Variants in CNTNAP2 observed in about 807,000 individuals in gnomAD.
The protein encoded by CNTNAP2 is contactin associated protein 2, also known as contactin-associated protein-like 2.
In CNTNAP2, 98 loss-of-function variants were observed where a neutral mutation model predicts 155.2. That is an observed-to-expected ratio of 0.63 (90% confidence interval 0.54 to 0.75). CNTNAP2 has a LOEUF of 0.75. Among genes scored for constraint, CNTNAP2 ranks in the 30% least tolerant of loss-of-function variants. The pLI is 0.00. For missense variants in CNTNAP2, 1,727 were observed against 1,688.1 expected (o/e 1.02, Z -0.40); for synonymous variants, 651 against 631.2 (o/e 1.03, Z -0.47).
chr7:146,375,109 T>C (rs1203464126), intron 1 of CNTNAP2, among the ~76,000 whole-genome samples: 2 of 152,214 alleles, frequency 1.3e-5, no homozygotes, highest in East Asian at 3.8e-4. Context: ...AAAACAAAAC[T>C]TCTTAAAGCA....
chr7:146,682,865 T>C (rs1800529359), intron 1 of CNTNAP2, among the ~76,000 whole-genome samples: 2 of 152,204 alleles, frequency 1.3e-5, no homozygotes, highest in African/African-American at 4.8e-5. Context: ...GAGCTAGATG[T>C]GTTCCATGCA....
intron 14 of CNTNAP2, among the ~76,000 whole-genome samples, chr7:147,912,797 C>T (rs1800089188): frequency 6.6e-6 from 1 of 152,274 alleles, no homozygotes; most frequent in East Asian, 1.9e-4. Flanking sequence ...TCAGTTCCTA[C>T]AGGAGGAACA....
chr7:147,212,643 A>G (rs1358042916), intron 8 of CNTNAP2, among the ~76,000 whole-genome samples: 1 of 152,164 alleles, frequency 6.6e-6, no homozygotes, highest in Non-Finnish European at 1.5e-5. Context: ...TATTATGCCC[A>G]CAACCCAGGT....
chr7:147,738,773 G>A (rs1796902982), intron 13 of CNTNAP2, among the ~76,000 whole-genome samples: 1 of 150,836 alleles, frequency 6.6e-6, no homozygotes, highest in African/African-American at 2.4e-5. Flanking sequence ...TCCTGCCTTA[G>A]CCTCCTGAGT....
intron 9 of CNTNAP2, among the ~76,000 whole-genome samples, chr7:147,328,507 G>A (rs1044856227): frequency 1.3e-5 from 2 of 152,160 alleles, no homozygotes; most frequent in Non-Finnish European, 2.9e-5. Context: ...CGACTGAATC[G>A]ACTATTTAGA....
At chr7:146,667,299 C>T (rs1040814948) in intron 1 of CNTNAP2, among the ~76,000 whole-genome samples, 5 of 151,980 alleles carry the variant, frequency 3.3e-5, no homozygotes, top group Non-Finnish European at 7.4e-5. Context: ...TGTAGATACA[C>T]AGATTAGTTT....
intron 15 of CNTNAP2, chr7:148,014,321 TG>T (rs1224312456): frequency 6.7e-6 from 1 of 149,618 alleles, no homozygotes; most frequent in Non-Finnish European, 1.5e-5. Flanking sequence ...GGTCTTGCAA[TG>T]GGCTTTTTAC....
intron 13 of CNTNAP2, among the ~76,000 whole-genome samples, chr7:147,898,835 C>T (rs1477616794): frequency 6.6e-6 from 1 of 152,122 alleles, no homozygotes; most frequent in Non-Finnish European, 1.5e-5. Context: ...TTTTAATTGA[C>T]TGGCTATTTT....
At chr7:147,274,673 T>C (rs781719528) in intron 8 of CNTNAP2, among the ~76,000 whole-genome samples, 16 of 152,138 alleles carry the variant, frequency 1.1e-4, no homozygotes, top group Non-Finnish European at 1.5e-4. Flanking sequence ...AACTTTTTAG[T>C]TTAATTGCAT....
intron 13 of CNTNAP2, among the ~76,000 whole-genome samples, chr7:147,717,582 T>C (rs140724716): frequency 0.011 from 1,620 of 152,250 alleles, 30 homozygotes; most frequent in African/African-American, 0.037. Flanking sequence ...CGGTGAGTTA[T>C]AGAACTTACA....
intron 13 of CNTNAP2, among the ~76,000 whole-genome samples, chr7:147,702,176 G>A (rs1796245609): frequency 6.6e-6 from 1 of 150,946 alleles, no homozygotes; most frequent in Non-Finnish European, 1.5e-5. Flanking sequence ...GTCTTGGAGA[G>A]ATGACATCTC....
At chr7:147,850,813 A>G (rs1798923068) in intron 13 of CNTNAP2, among the ~76,000 whole-genome samples, 2 of 152,228 alleles carry the variant, frequency 1.3e-5, no homozygotes, top group African/African-American at 4.8e-5. Flanking sequence ...TAAAACCATA[A>G]AAACTCTAGA....
intron 1 of CNTNAP2, among the ~76,000 whole-genome samples, chr7:146,449,265 T>C (rs1796444333): frequency 6.6e-6 from 1 of 152,170 alleles, no homozygotes; most frequent in Non-Finnish European, 1.5e-5. Context: ...ATTTTTATGA[T>C]GGCTGCTTTA....
chr7:148,142,091 C>CTGTGTGTGTGTG lies in CNTNAP2; in HGVS notation c.2555-5399_2555-5398insGTGTGTGTGTGT, dbSNP rs1193809306. ...GTGGTTGTTAAGAGTAGAGATATGT[C>CTGTGTGTGTGTG]TCTGTGTGTGTGTGTGTGTGTGTGT... On this transcript the variant is annotated intron_variant, in intron 16 of 23. Transcript: ENST00000361727. Among the ~76,000 whole-genome samples the CTGTGTGTGTGTG allele has an allele frequency of 4.0e-5, 4 of 100,022 alleles. No homozygotes were observed. The South Asian group carries it at 1.4e-3, about 34-fold the overall frequency. The allele number at this position is 100,022 out of a possible 152,430, so 65.6% of individuals were successfully genotyped here. A position where few individuals can be genotyped will look rare whatever the true frequency, so the allele number is the denominator to read the frequency against.
chr7:147,332,359 T>C (rs1275335388), intron 9 of CNTNAP2, among the ~76,000 whole-genome samples: 3 of 152,134 alleles, frequency 2.0e-5, no homozygotes, highest in African/African-American at 7.2e-5. Flanking sequence ...AAGTTATCCA[T>C]TATAGCAACA....
intron 1 of CNTNAP2, among the ~76,000 whole-genome samples, chr7:146,752,956 A>T (rs1801931380): frequency 6.6e-6 from 1 of 152,160 alleles, no homozygotes; most frequent in African/African-American, 2.4e-5. Context: ...TACAGAGTAA[A>T]TGGAAAGTGA....
At chr7:146,712,868 G>T (rs1295041220) in intron 1 of CNTNAP2, among the ~76,000 whole-genome samples, 3 of 151,584 alleles carry the variant, frequency 2.0e-5, no homozygotes, top group Non-Finnish European at 2.9e-5. Flanking sequence ...TAGATGGTCT[G>T]CTTGGGATTT....
intron 1 of CNTNAP2, among the ~76,000 whole-genome samples, chr7:146,613,752 C>A (rs1799178342): frequency 6.6e-6 from 1 of 152,036 alleles, no homozygotes; most frequent in South Asian, 2.1e-4. Flanking sequence ...TAACAGTGAC[C>A]TATGACTACC....
intron 15 of CNTNAP2, among the ~76,000 whole-genome samples, chr7:148,114,190 T>G (rs1229072144): frequency 1.3e-5 from 2 of 152,206 alleles, no homozygotes; most frequent in African/African-American, 4.8e-5. Context: ...CAATGAAGTC[T>G]ATAGGGAGTT....
Sources: gnomAD v4.1 joint callset for allele counts (sites outside exome capture counted in the v4.1 genomes callset) on GRCh38, gnomAD v4.1.1 for gene constraint, MANE v1.5 for transcripts, NCBI Gene and HGNC (gene_info 2026-07-23, HGNC 2026-07-21) for gene names.